The following GRK5 variants were observed in gnomAD, a reference collection of about 807,000 sequenced individuals.
GRK5 encodes G protein-coupled receptor kinase 5, also known as g protein-coupled receptor kinase GRK5.
A neutral mutation model predicts 78.4 loss-of-function variants in GRK5; 40 were observed. The ratio of observed to expected loss-of-function variants is 0.51; its 90% confidence interval spans 0.40 to 0.66. The LOEUF (loss-of-function observed/expected upper bound fraction) is 0.66, where lower values mean the gene tolerates loss of function less well. Ranked by LOEUF, GRK5 falls within the 30% of genes least tolerant of loss-of-function variation. The probability of loss-of-function intolerance (pLI) is 0.00; values close to 1 mark genes in which losing one functional copy is unlikely to be tolerated. For missense variants in GRK5, 598 were observed against 759.9 expected (o/e 0.79, Z 2.50); for synonymous variants, 289 against 296.8 (o/e 0.97, Z 0.27).
At chr10:119,403,366 C>T (rs750696834) in intron 4 of GRK5, among the ~76,000 whole-genome samples, 6 of 152,090 alleles carry the variant, frequency 3.9e-5, no homozygotes, top group Non-Finnish European at 5.9e-5. Context: ...GGGGTTTCAC[C>T]GTGTTAGCCA....
At chr10:119,383,897 A>T (rs571486240) in intron 3 of GRK5, among the ~76,000 whole-genome samples, 69 of 152,286 alleles carry the variant, frequency 4.5e-4, no homozygotes, top group Non-Finnish European at 1.0e-4. Context: ...GGTTATTACC[A>T]CTAGGCCATC....
At chr10:119,304,873 G>A (rs1053302505) in intron 1 of GRK5, among the ~76,000 whole-genome samples, 6 of 152,038 alleles carry the variant, frequency 3.9e-5, no homozygotes, top group African/African-American at 1.4e-4. Context: ...TTAATGAGAG[G>A]TGTTTGGGCA....
chr10:119,410,865 CT>C (rs11288673), intron 4 of GRK5, among the ~76,000 whole-genome samples: 75,956 of 148,752 alleles, frequency 0.51, 20,983 homozygotes, highest in Middle Eastern at 0.67. Context: ...GTGGAGCCAC[CT>C]GTGTCTAAAG....
In GRK5 at chr10:119,363,596, T is replaced by C. The variant is rs138510717; in HGVS notation, c.149-17219T>C. Among the ~76,000 whole-genome samples the C allele has an allele frequency of 5.3e-3, 813 of 152,310 alleles. 6 individuals carry two copies. Among genetic ancestry groups the C allele is most frequent in the South Asian group, 0.021 (100 of 4,828 alleles). On this transcript the variant is annotated intron_variant, in intron 2 of 15. Coordinates refer to ENST00000392870, the MANE Select transcript of GRK5 (RefSeq NM_005308.3). ...TGCTATGGAAACTCTGTCTGCATGG[T>C]CACCCAGTTCCCAGTCTTTTTCTGG...
chr10:119,268,270 G>A (rs1298756367), intron 1 of GRK5, among the ~76,000 whole-genome samples: 3 of 152,178 alleles, frequency 2.0e-5, no homozygotes, highest in African/African-American at 7.2e-5. Context: ...CACATAATTC[G>A]ATTATTTTAA....
chr10:119,443,666 C>G lies in GRK5; in HGVS notation c.1180C>G (p.Arg394Gly). Reference sequence around the variant, plus strand: ...CCGCGGCCGCAAGGAGAAGGTGAAGCGGGAGGAGGTGGACCGCCGGGTCCT... The same window carrying G: ...CCGCGGCCGCAAGGAGAAGGTGAAGGGGGAGGAGGTGGACCGCCGGGTCCT... ...PFRGRKEKVK[R>G]EEVDRRVLET... is the part of the protein sequence containing the mutation. The change falls in exon 12 of 16, where the codon CGG becomes GGG. Residue 394 changes from arginine to glycine, a missense_variant. Coordinates refer to ENST00000392870, the MANE Select transcript of GRK5 (RefSeq NM_005308.3). 6.2e-7 allele frequency: 1 copy of G among 1,613,468 alleles called. No individual in the cohort carries two copies. The highest frequency in any genetic ancestry group is 8.5e-7 in the Non-Finnish European group (1 of 1,179,830).
At chr10:119,211,469 C>G (rs1848485222) in intron 1 of GRK5, 1 of 151,996 alleles carries the variant, frequency 6.6e-6, no homozygotes, top group Non-Finnish European at 1.5e-5. Flanking sequence ...TTGTGTTTTT[C>G]TCATCTTCTA....
At chr10:119,304,981 C>T (rs535541252) in intron 1 of GRK5, among the ~76,000 whole-genome samples, 1 of 152,000 alleles carries the variant, frequency 6.6e-6, no homozygotes, top group East Asian at 1.9e-4. Context: ...TCCCTTCCCT[C>T]TCTCCTCTCC....
At chr10:119,270,536 A>G (rs544496823) in intron 1 of GRK5, among the ~76,000 whole-genome samples, 13 of 152,242 alleles carry the variant, frequency 8.5e-5, no homozygotes, top group Non-Finnish European at 1.9e-4. Context: ...TTGAGCATCC[A>G]TGGACTTTGC....
rs149971369 is a variant in GRK5 at position 119,232,335 on chromosome 10, G to A, written c.52+24366G>A. Among the ~76,000 whole-genome samples, 264 of 152,316 alleles carry A rather than the reference G, an allele frequency of 1.7e-3. 1 individual carries two copies. The highest frequency in any genetic ancestry group is 6.0e-3 in the African/African-American group (250 of 41,570). ...TAATACTAGAGGCTGGGAAGGGTAG[G>A]GGGAAGGGGATAGAGAAAGGTTTGT... On this transcript the variant is annotated intron_variant, in intron 1 of 15. Transcript: ENST00000392870.
In GRK5 at chr10:119,222,774, G is replaced by A. The variant is rs80022871; in HGVS notation, c.52+14805G>A. ...AAGGGCTGCCCCTTCACTGCGTGCT[G>A]AGGCTACGGGCTCCGTGTCCTGTCA... On this transcript the variant is annotated intron_variant, in intron 1 of 15. Coordinates refer to ENST00000392870, the MANE Select transcript of GRK5 (RefSeq NM_005308.3). Among the ~76,000 whole-genome samples the A allele has an allele frequency of 1.2e-3, 188 of 152,370 alleles. 3 individuals are homozygous for A. In the East Asian group the frequency reaches 0.031, roughly 25 times the overall value.
At chr10:119,394,786 T>C (rs1791531984) in intron 3 of GRK5, among the ~76,000 whole-genome samples, 1 of 146,252 alleles carries the variant, frequency 6.8e-6, no homozygotes, top group African/African-American at 2.6e-5. Context: ...TGTGGGCACG[T>C]GTATGTTTGG....
intron 8 of GRK5, among the ~76,000 whole-genome samples, chr10:119,433,661 C>T (rs1052378892): frequency 2.6e-5 from 4 of 152,222 alleles, no homozygotes; most frequent in African/African-American, 7.2e-5. Flanking sequence ...ACCAGTTTTA[C>T]GGCACAGCCA....
At chr10:119,309,158 C>T (rs1037971408) in intron 1 of GRK5, among the ~76,000 whole-genome samples, 1 of 152,218 alleles carries the variant, frequency 6.6e-6, no homozygotes, top group African/African-American at 2.4e-5. Flanking sequence ...CAAGGGTCAC[C>T]TCCTTCAGGA....
intron 2 of GRK5, among the ~76,000 whole-genome samples, chr10:119,339,167 C>T (rs558373147): frequency 4.4e-4 from 67 of 152,294 alleles, no homozygotes; most frequent in African/African-American, 1.3e-3. Flanking sequence ...TTGCCTGCCT[C>T]GGTTCACTGC....
At chr10:119,420,934 G>A (rs1852558581) in intron 4 of GRK5, among the ~76,000 whole-genome samples, 1 of 152,158 alleles carries the variant, frequency 6.6e-6, no homozygotes, top group Admixed American at 6.5e-5. Context: ...GGCTGTGCCT[G>A]TGGTGGGTAA....
rs1430725387 is a variant in GRK5 at position 119,272,502 on chromosome 10, G to A, written c.53-54014G>A. Among the ~76,000 whole-genome samples the A allele has an allele frequency of 4.0e-5, 6 of 150,882 alleles. No homozygotes were observed. The East Asian group carries it at 1.2e-3, about 29-fold the overall frequency. On this transcript the variant is annotated intron_variant, in intron 1 of 15. Transcript: ENST00000392870. ...GAGGTAGGAGAATCACCTAAACCTG[G>A]GAGGCGGAGGTTGCAGTGAGCCGAG... is the stretch of plus-strand genomic sequence containing the variant.
intron 1 of GRK5, among the ~76,000 whole-genome samples, chr10:119,266,212 T>G (rs919153660): frequency 5.3e-5 from 8 of 152,168 alleles, no homozygotes; most frequent in African/African-American, 1.7e-4. Context: ...TCGCAGCACT[T>G]TGGGAGGCCG....
intron 1 of GRK5, among the ~76,000 whole-genome samples, chr10:119,312,100 A>G (rs1406265604): frequency 6.6e-6 from 1 of 151,984 alleles, no homozygotes; most frequent in African/African-American, 2.4e-5. Flanking sequence ...TTTAGTAGAG[A>G]TGGGGTTTCA....
Sources: allele counts gnomAD v4.1 joint callset (sites outside exome capture counted in the v4.1 genomes callset), GRCh38; gene constraint gnomAD v4.1.1; transcripts MANE v1.5; gene names NCBI Gene and HGNC (gene_info 2026-07-23, HGNC 2026-07-21).